Variants in COL22A1 observed in about 807,000 individuals in gnomAD.
The protein encoded by COL22A1 is collagen type XXII alpha 1 chain.
A neutral mutation model predicts 248.9 loss-of-function variants in COL22A1; 221 were observed. The observed-to-expected ratio is 0.89, with a 90% confidence interval of 0.80 to 0.99. The LOEUF (loss-of-function observed/expected upper bound fraction) is 0.99, where lower values mean the gene tolerates loss of function less well. Ranked by LOEUF, COL22A1 falls within the 50% of genes least tolerant of loss-of-function variation. The pLI is 0.00. For missense variants in COL22A1, 2,240 were observed against 2,179.0 expected, an observed-to-expected ratio of 1.03 and a Z score of -0.56; for synonymous variants, 891 against 793.4, an observed-to-expected ratio of 1.12 and a Z score of -2.07.
At chr8:138,716,739 T>A in intron 28 of COL22A1, 86 bp downstream of exon 28, 1 of 991,012 alleles carries the variant, frequency 1.0e-6, no homozygotes, top group East Asian at 2.5e-5. Context: ...TAATTCCTCT[T>A]GGCATCTAAA....
intron 22 of COL22A1, among the ~76,000 whole-genome samples, chr8:138,746,410 G>A (rs549034261): frequency 6.6e-6 from 1 of 152,302 alleles, no homozygotes; most frequent in African/African-American, 2.4e-5. Flanking sequence ...AAGTCATTTT[G>A]TCTTGCATTT....
rs547469310 is a variant in COL22A1, at chr8:138,892,984, G to A, written c.-72-9740C>T. On this transcript the variant is annotated intron_variant, in intron 1 of 64. Coordinates refer to ENST00000303045, the MANE Select transcript of COL22A1 (RefSeq NM_152888.3). ...GTCTGTGTCCAGAGCACTGAACTGC[G>A]TCCTTCTATCACAGACCCAGCTTGG... is the stretch of plus-strand genomic sequence containing the variant. Among the ~76,000 whole-genome samples the A allele has an allele frequency of 1.7e-3, 266 of 152,288 alleles. 1 individual carries two copies. The highest frequency in any genetic ancestry group is 3.0e-3 in the African/African-American group (126 of 41,566).
At chr8:138,779,402 G>A in intron 14 of COL22A1, 107 bp downstream of exon 14, 1 of 711,246 alleles carries the variant, frequency 1.4e-6, no homozygotes, top group Non-Finnish European at 2.5e-6. Context: ...TGAGAAGAGG[G>A]GCAGGGAACC....
In COL22A1 at chr8:138,662,053, G is replaced by A. The variant is rs753743439; in HGVS notation, c.3217C>T (p.Pro1073Ser). The A allele has an allele frequency of 6.2e-7, 1 of 1,612,186 alleles. No individual in the cohort carries two copies. The highest frequency in any genetic ancestry group is 2.2e-5 in the East Asian group (1 of 44,738). Residue 1073 changes from proline to serine, a missense_variant, in exon 43 of 65, where the codon CCC becomes TCC. By Grantham distance (74) the Pro-to-Ser change is moderately conservative. Transcript: ENST00000303045. ...GSRGLPGFPGPQGPAGRDGAP... is the reference protein window; with the variant it reads ...GSRGLPGFPGSQGPAGRDGAP... ...ACGTCCCGGCCGGCTGGGCCCTGGG[G>A]GCCAGGGAATCCAGGTAAGCCTCGT...
chr8:138,674,047 C>G (rs1825286875), intron 41 of COL22A1, among the ~76,000 whole-genome samples: 1 of 152,174 alleles, frequency 6.6e-6, no homozygotes, highest in African/African-American at 2.4e-5. Context: ...AACATACCCT[C>G]CCCTTGGCTT....
intron 30 of COL22A1, 101 bp from the exon 31 acceptor site, chr8:138,703,448 G>A: frequency 1.8e-6 from 2 of 1,134,894 alleles, no homozygotes; most frequent in Non-Finnish European, 2.7e-6. Context: ...ACAACAGAAG[G>A]TGTTGTCTTC....
At chr8:138,866,001 A>G (rs1822867993) in intron 3 of COL22A1, among the ~76,000 whole-genome samples, 1 of 151,602 alleles carries the variant, frequency 6.6e-6, no homozygotes, top group African/African-American at 2.4e-5. Flanking sequence ...GCCTGTGTCT[A>G]TGTATGTTTG....
chr8:138,716,578 C>T (rs941813057), intron 28 of COL22A1, among the ~76,000 whole-genome samples: 1 of 152,146 alleles, frequency 6.6e-6, no homozygotes, highest in African/African-American at 2.4e-5. Flanking sequence ...AACAATGTCA[C>T]CTTCTCAGCA....
At chr8:138,820,997 T>G (rs1586824632) in intron 7 of COL22A1, 139 bp downstream of exon 7, 1 of 895,932 alleles carries the variant, frequency 1.1e-6, no homozygotes. Flanking sequence ...TGAGTCAGGG[T>G]CTTTCCTTCT....
At chr8:138,850,028 A>T (rs190742026) in intron 3 of COL22A1, among the ~76,000 whole-genome samples, 67 of 152,296 alleles carry the variant, frequency 4.4e-4, no homozygotes, top group Non-Finnish European at 6.6e-4. Context: ...CTTTCCTAGT[A>T]ATTGAAAGCG....
intron 32 of COL22A1, 67 bp from the exon 33 acceptor site, chr8:138,694,946 TC>T: frequency 6.6e-7 from 1 of 1,513,616 alleles, no homozygotes. Context: ...AGGGTACATG[TC>T]CCCAGCTCCG....
At chr8:138,778,177 T>G in intron 15 of COL22A1, 176 bp downstream of exon 15, 1 of 727,018 alleles carries the variant, frequency 1.4e-6, no homozygotes, top group Non-Finnish European at 2.5e-6. Flanking sequence ...GTGATTCTTA[T>G]GGACTGTAAC....
At chr8:138,745,668 A>T (rs1832047223) in intron 22 of COL22A1, among the ~76,000 whole-genome samples, 1 of 152,208 alleles carries the variant, frequency 6.6e-6, no homozygotes, top group South Asian at 2.1e-4. Context: ...TCTGCAGAAA[A>T]TTAAAATGGG....
At chr8:138,892,820 C>T (rs980994332) in intron 1 of COL22A1, among the ~76,000 whole-genome samples, 3 of 152,156 alleles carry the variant, frequency 2.0e-5, no homozygotes, top group African/African-American at 4.8e-5. Flanking sequence ...GGGCAGAGTT[C>T]GAGCTCTGTC....
intron 18 of COL22A1, 38 bp from the exon 19 acceptor site, chr8:138,755,867 G>T (rs751583270): frequency 8.2e-6 from 13 of 1,593,268 alleles, no homozygotes; most frequent in Middle Eastern, 3.3e-4. Context: ...ATAGTTACTG[G>T]TGCCACCTTC....
chr8:138,894,925 G>C (rs1318103607), intron 1 of COL22A1, among the ~76,000 whole-genome samples: 1 of 151,954 alleles, frequency 6.6e-6, no homozygotes, highest in Admixed American at 6.6e-5. Context: ...TTGATGTAGT[G>C]GTACATGCCT....
intron 20 of COL22A1, 59 bp downstream of exon 20, chr8:138,755,423 C>T: frequency 6.4e-7 from 1 of 1,564,826 alleles, no homozygotes; most frequent in Non-Finnish European, 8.8e-7. Context: ...ATGGTTGTGG[C>T]TTTTCTGTTT....
chr8:138,628,563 A>G (rs1323357393), intron 50 of COL22A1, among the ~76,000 whole-genome samples: 1 of 152,186 alleles, frequency 6.6e-6, no homozygotes, highest in African/African-American at 2.4e-5. Context: ...AATTACTTCT[A>G]TTTTGTAACT....
chr8:138,717,728 G>A (rs536615154), intron 27 of COL22A1, among the ~76,000 whole-genome samples: 11 of 152,312 alleles, frequency 7.2e-5, no homozygotes, highest in South Asian at 6.2e-4. Flanking sequence ...TTTGTGGTCC[G>A]GATGAAGTGG....
Sources: allele counts gnomAD v4.1 joint callset (sites outside exome capture counted in the v4.1 genomes callset), GRCh38; gene constraint gnomAD v4.1.1; transcripts MANE v1.5; gene names NCBI Gene and HGNC (gene_info 2026-07-23, HGNC 2026-07-21).